Variants in AGAP1 observed in about 807,000 individuals in gnomAD.
AGAP1 encodes the protein arf-GAP with GTPase, ANK repeat and PH domain-containing protein 1.
A neutral mutation model predicts 105.3 loss-of-function variants in AGAP1; 29 were observed. That is an observed-to-expected ratio of 0.28 (90% CI 0.21 to 0.38). AGAP1 has a LOEUF of 0.38. AGAP1 is among the 10% of genes least tolerant of loss of function. The pLI is 1.00. For synonymous variants in AGAP1, 509 were observed against 485.9 expected, an observed-to-expected ratio of 1.05 and a Z score of -0.63; for missense variants, 998 against 1,165.1, an observed-to-expected ratio of 0.86 and a Z score of 2.09.
intron 9 of AGAP1, among the ~76,000 whole-genome samples, chr2:235,851,846 A>C (rs371280490): frequency 1.3e-5 from 2 of 152,354 alleles, no homozygotes; most frequent in South Asian, 4.1e-4. Context: ...CGCACGTCTC[A>C]TCTGCAGTAC....
chr2:236,083,750 A>G lies in AGAP1; in HGVS notation c.2114+34469A>G, dbSNP rs1399063540. The stretch of plus-strand genomic sequence containing the variant: ...CTGCACATTAAGTCTGTTTTTTTAC[A>G]GAAGGATAAATGGATGAACAGGTGT... On this transcript the variant is annotated intron_variant, in intron 16 of 17. Transcript: ENST00000304032. The surrounding 1 kb of genome is among the most constrained non-coding windows in gnomAD (Gnocchi z 5.3). Among the ~76,000 whole-genome samples the G allele has an allele frequency of 2.0e-5, 3 of 152,152 alleles. No individual in the cohort carries two copies. Among genetic ancestry groups the G allele is most frequent in the Non-Finnish European group, 4.4e-5 (3 of 68,046 alleles).
At chr2:235,534,227 A>G (rs905358162) in intron 1 of AGAP1, among the ~76,000 whole-genome samples, 7 of 152,150 alleles carry the variant, frequency 4.6e-5, no homozygotes, top group African/African-American at 1.7e-4. Context: ...TCTTTGCCAA[A>G]TGGGACCGAT....
intron 13 of AGAP1, among the ~76,000 whole-genome samples, chr2:235,972,225 A>G (rs1028731741): frequency 6.6e-6 from 1 of 152,238 alleles, no homozygotes; most frequent in Non-Finnish European, 1.5e-5. Context: ...TAAAACTTCT[A>G]TAGAAGATTT....
At position 235,549,466 on chromosome 2, in the gene AGAP1, A is replaced by G. The variant is rs1295624500; in HGVS notation, c.163+54617A>G. Among the ~76,000 whole-genome samples, 15 of 152,176 alleles carry G rather than the reference A, an allele frequency of 9.9e-5. No homozygotes were observed. The highest frequency in any genetic ancestry group is 2.1e-4 in the Non-Finnish European group (14 of 68,030). ...CAATGCAGGGTGTTCATCAGCCAGCATGAGACCCTCGCTTCCAGCCTGTGC... is the reference window on the plus strand; with the variant it reads ...CAATGCAGGGTGTTCATCAGCCAGCGTGAGACCCTCGCTTCCAGCCTGTGC... On this transcript the variant is annotated intron_variant, in intron 1 of 17. Coordinates refer to ENST00000304032, the MANE Select transcript of AGAP1 (RefSeq NM_001037131.3). The surrounding 1 kb of genome is among the most constrained non-coding windows in gnomAD (Gnocchi z 4.2).
chr2:235,770,887 T>C (rs533078533), intron 6 of AGAP1, among the ~76,000 whole-genome samples: 7 of 152,304 alleles, frequency 4.6e-5, no homozygotes, highest in African/African-American at 1.4e-4. Context: ...GAATATTATA[T>C]TTTGTGTCCA....
chr2:235,765,957 C>T (rs987923213), intron 6 of AGAP1, among the ~76,000 whole-genome samples: 3 of 152,170 alleles, frequency 2.0e-5, no homozygotes, highest in Non-Finnish European at 2.9e-5. Flanking sequence ...CCACCTAGCT[C>T]GACCCTTCCC....
chr2:236,121,886 C>T lies in AGAP1; in HGVS notation c.2370+1439C>T, dbSNP rs1005919305. ...GCCTCTCTCACGGCTGGTAGACGGCCGCCCTCTCCCTATGTTCTCACAGGG... is the reference window on the plus strand; with the variant it reads ...GCCTCTCTCACGGCTGGTAGACGGCTGCCCTCTCCCTATGTTCTCACAGGG... On this transcript the variant is annotated intron_variant, in intron 17 of 17. Transcript: ENST00000304032. The surrounding 1 kb of genome is among the most constrained non-coding windows in gnomAD (Gnocchi z 4.9). 5.3e-5 allele frequency among the ~76,000 whole-genome samples: 8 copies of T among 152,278 alleles called. No individual in the cohort carries two copies. Among genetic ancestry groups the T allele is most frequent in the South Asian group, 4.1e-4 (2 of 4,822 alleles).
chr2:236,040,714 G>C lies in AGAP1; in HGVS notation c.1801-37G>C. 1 of 1,605,744 alleles carries C rather than the reference G, an allele frequency of 6.2e-7. No individual in the cohort carries two copies. The highest frequency in any genetic ancestry group is 8.5e-7 in the Non-Finnish European group (1 of 1,174,372). On this transcript the variant is annotated intron_variant, in intron 14 of 17. Transcript: ENST00000304032. This position sits in a 1 kb window ranked among gnomAD's most constrained non-coding sequence, Gnocchi z 5.6. ...CAGTGATGTGCGTTTCTCCCGGGGT[G>C]CTTACGCCTTGTATTTGTGTCTTCC...
intron 16 of AGAP1, among the ~76,000 whole-genome samples, chr2:236,118,892 C>T (rs1370017184): frequency 6.6e-6 from 1 of 152,102 alleles, no homozygotes; most frequent in Non-Finnish European, 1.5e-5. Flanking sequence ...ATCTGTCACG[C>T]TCTTTTTTGA....
rs1203774879 is a variant in AGAP1 at position 235,752,084 on chromosome 2, G to A, written c.673+1596G>A. ...GAGCAAGGTCACTGTCGGCCGCTGC[G>A]CTGCCGAGGCCCCTGTGAATGTTGA... is the stretch of plus-strand genomic sequence containing the variant. On this transcript the variant is annotated intron_variant, in intron 6 of 17. Transcript: ENST00000304032. The surrounding 1 kb of genome is among the most constrained non-coding windows in gnomAD (Gnocchi z 4.3). 6.6e-6 allele frequency among the ~76,000 whole-genome samples: 1 copy of A among 152,220 alleles called. No homozygotes were observed. Among genetic ancestry groups the A allele is most frequent in the Non-Finnish European group, 1.5e-5 (1 of 68,040 alleles).
At chr2:235,629,238 T>G (rs1367893417) in intron 1 of AGAP1, among the ~76,000 whole-genome samples, 1 of 151,656 alleles carries the variant, frequency 6.6e-6, no homozygotes, top group African/African-American at 2.4e-5. Context: ...TGCCGTTAAT[T>G]CATTCCTTCT....
chr2:235,494,046 G>A lies in AGAP1; in HGVS notation c.-641G>A, dbSNP rs868636569. Reference sequence around the variant, plus strand: ...GGGGGCGGGGCCGACGTGGGCCGGAGCCCTGCGTGCCAGGGAGGGGGCCGG... The same window carrying A: ...GGGGGCGGGGCCGACGTGGGCCGGAACCCTGCGTGCCAGGGAGGGGGCCGG... On this transcript the variant is annotated 5_prime_UTR_variant, in exon 1 of 18. Transcript: ENST00000304032. 1 of 146,526 alleles carries A rather than the reference G, an allele frequency of 6.8e-6. No homozygotes were observed. Among genetic ancestry groups the A allele is most frequent in the African/African-American group, 2.5e-5 (1 of 40,722 alleles). 9.1% of individuals were successfully genotyped at this position (146,526 alleles called of 1,614,324 possible).
chr2:236,067,632 A>G (rs1266670227), intron 16 of AGAP1, among the ~76,000 whole-genome samples: 1 of 152,338 alleles, frequency 6.6e-6, no homozygotes, highest in African/African-American at 2.4e-5. Flanking sequence ...CTATGTTACT[A>G]TGCGCTAGAT....
At chr2:235,952,774 G>A (rs543602362) in intron 12 of AGAP1, among the ~76,000 whole-genome samples, 5 of 152,252 alleles carry the variant, frequency 3.3e-5, no homozygotes, top group Non-Finnish European at 7.3e-5. Flanking sequence ...GTGTCCCTCG[G>A]TGCTGAGCCT....
At chr2:235,624,811 G>T (rs1473604495) in intron 1 of AGAP1, among the ~76,000 whole-genome samples, 3 of 152,126 alleles carry the variant, frequency 2.0e-5, no homozygotes, top group Non-Finnish European at 4.4e-5. Context: ...CTCATGAATG[G>T]TTCAGCACCA....
chr2:236,108,843 C>T (rs571908346), intron 16 of AGAP1, among the ~76,000 whole-genome samples: 7 of 152,210 alleles, frequency 4.6e-5, no homozygotes, highest in Middle Eastern at 3.4e-3. Context: ...TCTGGCTGCC[C>T]GCTCTCTTGT....
chr2:235,897,109 G>A (rs1362629493), intron 10 of AGAP1, among the ~76,000 whole-genome samples: 1 of 152,116 alleles, frequency 6.6e-6, no homozygotes, highest in Non-Finnish European at 1.5e-5. Context: ...TGGAGACAAA[G>A]TCTTGCTCTG....
At position 236,105,896 on chromosome 2, in the gene AGAP1, C is replaced by G. The variant is rs2059477204; in HGVS notation, c.2115-14296C>G. Reference sequence around the variant, plus strand: ...ACAGGCGTGAGCCATCGTGCCCGGCCCCTCTTGTGCCTCTTCTTATAAGAG... The same window carrying G: ...ACAGGCGTGAGCCATCGTGCCCGGCGCCTCTTGTGCCTCTTCTTATAAGAG... On this transcript the variant is annotated intron_variant, in intron 16 of 17. Coordinates refer to ENST00000304032, the MANE Select transcript of AGAP1 (RefSeq NM_001037131.3). The surrounding 1 kb of genome is among the most constrained non-coding windows in gnomAD (Gnocchi z 4.2). Among the ~76,000 whole-genome samples, 1 of 152,184 alleles carries G rather than the reference C, an allele frequency of 6.6e-6. No homozygotes were observed. The highest frequency in any genetic ancestry group is 1.5e-5 in the Non-Finnish European group (1 of 68,032).
At position 236,092,119 on chromosome 2, in the gene AGAP1, G is replaced by A. The variant is rs1162034389; in HGVS notation, c.2115-28073G>A. On this transcript the variant is annotated intron_variant, in intron 16 of 17. Coordinates refer to ENST00000304032, the MANE Select transcript of AGAP1 (RefSeq NM_001037131.3). The surrounding 1 kb of genome is among the most constrained non-coding windows in gnomAD (Gnocchi z 4.7). The stretch of plus-strand genomic sequence containing the variant: ...TTAGTGGTTGTCCAGGGTTAGGGAT[G>A]GAGAGGGTGGGTGAGGTTTTAGAAA... 6.6e-6 allele frequency among the ~76,000 whole-genome samples: 1 copy of A among 152,210 alleles called. No homozygotes were observed. The highest frequency in any genetic ancestry group is 1.5e-5 in the Non-Finnish European group (1 of 68,038).
Sources: allele counts gnomAD v4.1 joint callset (sites outside exome capture counted in the v4.1 genomes callset), GRCh38; gene constraint gnomAD v4.1.1; non-coding constraint Gnocchi (gnomAD v3.1); transcripts MANE v1.5; gene names NCBI Gene and HGNC (gene_info 2026-07-23, HGNC 2026-07-21).